The following BLVRB variants were observed in gnomAD, a reference collection of about 807,000 sequenced individuals.
BLVRB encodes the protein flavin reductase (NADPH).
BLVRB carries 25 observed loss-of-function variants against 21.1 expected under a neutral mutation model. The ratio of observed to expected loss-of-function variants is 1.19; its 90% confidence interval spans 0.86 to 1.66. BLVRB has a LOEUF of 1.66. Among genes scored for constraint, BLVRB ranks in the 40% most tolerant of loss-of-function variants. BLVRB has a pLI of 0.00. For missense variants in BLVRB, 274 were observed against 282.7 expected, an observed-to-expected ratio of 0.97 and a Z score of 0.22; for synonymous variants, 128 against 122.2, an observed-to-expected ratio of 1.05 and a Z score of -0.31.
intron 1 of BLVRB, among the ~76,000 whole-genome samples, chr19:40,463,102 C>T (rs1415694927): frequency 6.6e-5 from 10 of 152,216 alleles, no homozygotes; most frequent in African/African-American, 2.4e-4. Flanking sequence ...CTCATTGTAA[C>T]TCACAGTTTG....
At chr19:40,457,768 A>G in intron 3 of BLVRB, 1 of 228,878 alleles carries the variant, frequency 4.4e-6, no homozygotes, top group Non-Finnish European at 8.5e-6. Flanking sequence ...GTCTATCCAC[A>G]GCTCTATCAC....
intron 1 of BLVRB, among the ~76,000 whole-genome samples, chr19:40,459,806 G>A (rs899352724): frequency 6.6e-6 from 1 of 152,148 alleles, no homozygotes; most frequent in African/African-American, 2.4e-5. Flanking sequence ...CCTAACCTCA[G>A]GTGATCCACC....
chr19:40,452,839 T>G (rs980929310), intron 3 of BLVRB, among the ~76,000 whole-genome samples: 3 of 151,050 alleles, frequency 2.0e-5, no homozygotes, highest in Non-Finnish European at 4.4e-5. Context: ...CACTCCAGCT[T>G]GGGAGACAGA....
At chr19:40,448,120 G>A in intron 4 of BLVRB, 74 bp from the exon 5 acceptor site, 4 of 1,519,704 alleles carry the variant, frequency 2.6e-6, no homozygotes, top group Non-Finnish European at 3.6e-6. Flanking sequence ...CCCCCAGAAA[G>A]ACCTTCCCAG....
intron 3 of BLVRB, among the ~76,000 whole-genome samples, 188 bp from the exon 4 acceptor site, chr19:40,451,680 A>C (rs1181736776): frequency 2.6e-5 from 4 of 152,010 alleles, no homozygotes; most frequent in Non-Finnish European, 4.4e-5. Context: ...TTACAGGTGC[A>C]CACCACCAGG....
Position 40,458,504 on chromosome 19 carries a change from G to A in BLVRB, c.121C>T (p.Pro41Ser). The change falls in exon 2 of 5, where the codon CCA becomes TCA. Residue 41 changes from proline (P) to serine (S), a missense_variant. Transcript: ENST00000263368. Reference sequence around the variant, plus strand: ...TGGGCCGGCCGGGGCCCCTCTGATGGCAGCCTGGAGGAGTCCCGCACCAGC... The same window carrying A: ...TGGGCCGGCCGGGGCCCCTCTGATGACAGCCTGGAGGAGTCCCGCACCAGC... Reference protein sequence around the residue: ...TVLVRDSSRLPSEGPRPAHVV... With the variant: ...TVLVRDSSRLSSEGPRPAHVV... 6.2e-7 allele frequency: 1 copy of A among 1,611,716 alleles called. No homozygotes were observed.
chr19:40,459,327 C>CAAAAA lies in BLVRB; in HGVS notation c.80-787_80-783dup, dbSNP rs751696189. Among the ~76,000 whole-genome samples the CAAAAA allele has an allele frequency of 8.7e-4, 30 of 34,428 alleles. 3 individuals are homozygous for CAAAAA. The highest frequency in any genetic ancestry group is 1.2e-3 in the African/African-American group (11 of 9,310). 22.6% of individuals were successfully genotyped at this position (34,428 alleles called of 152,430 possible). A position where few individuals can be genotyped will look rare whatever the true frequency, so the allele number is the denominator to read the frequency against. ...TGGATGACAAAGCGAGACTCTATCTCAAAAAAAAAAAAAAAAAAAAAAAAA... is the reference window on the plus strand; with the variant it reads ...TGGATGACAAAGCGAGACTCTATCTCAAAAAAAAAAAAAAAAAAAAAAAAAAAAAA... On this transcript the variant is annotated intron_variant, in intron 1 of 4. Transcript: ENST00000263368.
At chr19:40,452,454 A>G (rs886898912) in intron 3 of BLVRB, among the ~76,000 whole-genome samples, 3 of 149,104 alleles carry the variant, frequency 2.0e-5, no homozygotes, top group African/African-American at 7.4e-5. Flanking sequence ...CTGGGACCAC[A>G]GGGGTGAGCC....
intron 3 of BLVRB, among the ~76,000 whole-genome samples, chr19:40,454,154 T>G (rs2079752391): frequency 6.6e-6 from 1 of 152,174 alleles, no homozygotes; most frequent in Non-Finnish European, 1.5e-5. Context: ...GGAGGATCCC[T>G]TGAGCCTAGG....
intron 2 of BLVRB, 38 bp downstream of exon 2, chr19:40,458,343 T>C (rs1328903066): frequency 1.3e-6 from 2 of 1,507,732 alleles, no homozygotes; most frequent in African/African-American, 2.8e-5. Context: ...GGGGCCGAGG[T>C]GTAGGGGAGG....
chr19:40,454,876 C>T (rs934997651), intron 3 of BLVRB, among the ~76,000 whole-genome samples: 3 of 151,730 alleles, frequency 2.0e-5, no homozygotes, highest in Non-Finnish European at 4.4e-5. Flanking sequence ...GGGTCTTGCT[C>T]TGCAGCCAAG....
chr19:40,455,525 T>C (rs990347214), intron 3 of BLVRB, among the ~76,000 whole-genome samples: 3 of 151,998 alleles, frequency 2.0e-5, no homozygotes, highest in East Asian at 3.9e-4. Context: ...ACCCCATCTA[T>C]ACTAAAAATA....
chr19:40,464,293 T>C (rs1458045139), intron 1 of BLVRB, among the ~76,000 whole-genome samples: 3 of 151,924 alleles, frequency 2.0e-5, no homozygotes, highest in Non-Finnish European at 4.4e-5. Flanking sequence ...GGGGTCTTGC[T>C]ACGTTGCCCA....
At chr19:40,451,284 G>A in intron 4 of BLVRB, 80 bp downstream of exon 4, 1 of 1,548,466 alleles carries the variant, frequency 6.5e-7, no homozygotes, top group South Asian at 1.2e-5. Flanking sequence ...GGTGGTCAGG[G>A]AAGGCCTTGC....
At position 40,451,886 on chromosome 19, in the gene BLVRB, C is replaced by T. The variant is rs1025455142; in HGVS notation, c.335-394G>A. ...AAAACCCTGCCATGGCTGACCATTGCTTTCCAGTTGCAAAAACAGGGGAGT... is the reference window on the plus strand; with the variant it reads ...AAAACCCTGCCATGGCTGACCATTGTTTTCCAGTTGCAAAAACAGGGGAGT... On this transcript the variant is annotated intron_variant, in intron 3 of 4. Transcript: ENST00000263368. Among the ~76,000 whole-genome samples, 4 of 152,136 alleles carry T rather than the reference C, an allele frequency of 2.6e-5. No homozygotes were observed. In the East Asian group the frequency reaches 7.7e-4, roughly 29 times the overall value.
At position 40,465,744 on chromosome 19, in the gene BLVRB, C is replaced by G. The variant is rs1019282267; in HGVS notation, c.-56G>C. 5.7e-6 allele frequency: 9 copies of G among 1,572,004 alleles called. No homozygotes were observed. Among genetic ancestry groups the G allele is most frequent in the Non-Finnish European group, 7.8e-6 (9 of 1,150,408 alleles). On this transcript the variant is annotated 5_prime_UTR_variant, in exon 1 of 5. Coordinates refer to ENST00000263368, the MANE Select transcript of BLVRB (RefSeq NM_000713.3). Reference sequence around the variant, plus strand: ...GAGTCTCGGCACGCGCGGGAACCCACTGGCTGCTGGGCGGTGCTCTCTGCC... The same window carrying G: ...GAGTCTCGGCACGCGCGGGAACCCAGTGGCTGCTGGGCGGTGCTCTCTGCC...
At chr19:40,465,470 A>T in intron 1 of BLVRB, 140 bp downstream of exon 1, 1 of 1,020,750 alleles carries the variant, frequency 9.8e-7, no homozygotes, top group Non-Finnish European at 1.4e-6. Flanking sequence ...CCCCGTGGCC[A>T]CTTGCTTTGG....
intron 4 of BLVRB, among the ~76,000 whole-genome samples, chr19:40,448,506 G>A (rs907679640): frequency 6.6e-6 from 1 of 151,492 alleles, no homozygotes; most frequent in African/African-American, 2.4e-5. Flanking sequence ...CTGGAGAATT[G>A]CTTGAGCCAG....
intron 3 of BLVRB, 63 bp downstream of exon 3, chr19:40,458,092 G>A (rs1448416745): frequency 6.7e-7 from 1 of 1,481,684 alleles, no homozygotes; most frequent in African/African-American, 1.4e-5. Flanking sequence ...CCTTTCAGAG[G>A]CCCCTGGGCT....
Sources: gnomAD v4.1 joint callset for allele counts (sites outside exome capture counted in the v4.1 genomes callset) on GRCh38, gnomAD v4.1.1 for gene constraint, MANE v1.5 for transcripts, NCBI Gene and HGNC (gene_info 2026-07-23, HGNC 2026-07-21) for gene names.